The following NDUFA7 variants were observed in gnomAD, a reference collection of about 807,000 sequenced individuals.
NDUFA7 encodes the protein NADH:ubiquinone oxidoreductase subunit A7.
In NDUFA7, 18 loss-of-function variants were observed where a neutral mutation model predicts 14.2. The observed-to-expected ratio is 1.27, with a 90% CI of 0.88 to 1.88. NDUFA7 has a LOEUF of 1.88. Ranked by LOEUF, NDUFA7 falls within the 40% of genes most tolerant of loss-of-function variation. The pLI is 0.00. For synonymous variants in NDUFA7, 75 were observed against 62.1 expected (o/e 1.21, Z -0.98); for missense variants, 172 against 147.3 (o/e 1.17, Z -0.87).
At position 8,321,318 on chromosome 19, in the gene NDUFA7, C is replaced by G. The variant is rs1453608064; in HGVS notation, c.41G>C (p.Trp14Ser). 8 of 1,577,420 alleles carry G rather than the reference C, an allele frequency of 5.1e-6. No individual in the cohort carries two copies. Among genetic ancestry groups the G allele is most frequent in the Non-Finnish European group, 5.2e-6 (6 of 1,164,876 alleles). The change falls in exon 1 of 4, where the codon TGG becomes TCG. Residue 14 changes from tryptophan (W) to serine (S), a missense_variant. Transcript: ENST00000301457. ...GTCCGCCCCGCGCACCCCGGACGCC[C>G]AGTTCCGCAGCCGCTGGATGAGACG... ...ATRLIQRLRNWASGHDLQGKL... is the reference protein window; with the variant it reads ...ATRLIQRLRNSASGHDLQGKL...
At chr19:8,311,152 C>G (rs1382819843), downstream of NDUFA7, 1 of 159,898 alleles carries the variant, frequency 6.3e-6, no homozygotes, top group Non-Finnish European at 1.4e-5. Flanking sequence ...GTCTGCCTTC[C>G]CTGTAAGCAG....
intron 2 of NDUFA7, 111 bp downstream of exon 2, chr19:8,320,746 C>G: frequency 2.3e-6 from 3 of 1,309,144 alleles, no homozygotes; most frequent in Non-Finnish European, 3.3e-6. Flanking sequence ...TGGCAGGGGA[C>G]TGGTGGCAGG....
chr19:8,319,098 C>T (rs968608562), intron 2 of NDUFA7, among the ~76,000 whole-genome samples: 1 of 149,972 alleles, frequency 6.7e-6, no homozygotes. Flanking sequence ...TGATAGAAAG[C>T]CAACTAGGGG....
chr19:8,316,537 CATG>C lies in NDUFA7; in HGVS notation c.207_209del (p.Ile69del). On this transcript the variant is annotated inframe_deletion, in exon 3 of 4. Transcript: ENST00000301457. ...CTGACACCAGCGCCTTCTGCGACGACATGATGATGGAAGGGGGCACAGATTCCC... is the reference window on the plus strand; with the variant it reads ...CTGACACCAGCGCCTTCTGCGACGACATGATGGAAGGGGGCACAGATTCCC... The C allele has an allele frequency of 6.2e-7, 1 of 1,614,090 alleles. No homozygotes were observed. Among genetic ancestry groups the C allele is most frequent in the South Asian group, 1.1e-5 (1 of 91,088 alleles).
chr19:8,316,633 A>T lies in NDUFA7; in HGVS notation c.114T>A (p.Pro38=). The T allele has an allele frequency of 1.9e-6, 3 of 1,614,014 alleles. No individual in the cohort carries two copies. The highest frequency in any genetic ancestry group is 2.5e-6 in the Non-Finnish European group (3 of 1,179,950). Residue 38 remains proline, a synonymous_variant, in exon 3 of 4, where the codon CCT becomes CCA. Coordinates refer to ENST00000301457, the MANE Select transcript of NDUFA7 (RefSeq NM_005001.5). ...YQEISKRTQP[P]PKLPVGPSHK... ...GGCTAGGACCCACAGGGAGCTTGGG[A>T]GGAGGCTGAGTTCTGAGGGGAAAAA...
intron 2 of NDUFA7, chr19:8,319,631 T>C (rs948168537): frequency 2.0e-5 from 3 of 151,864 alleles, no homozygotes; most frequent in Non-Finnish European, 2.9e-5. Context: ...TCACAACATA[T>C]AGGCATTTAC....
intron 3 of NDUFA7, among the ~76,000 whole-genome samples, chr19:8,313,131 G>A (rs1034771967): frequency 6.6e-6 from 1 of 151,400 alleles, no homozygotes; most frequent in African/African-American, 2.4e-5. Context: ...GTCTCGCTGT[G>A]TTACTCAAAC....
At chr19:8,320,927 A>C in intron 1 of NDUFA7, 21 bp from the exon 2 acceptor site, 1 of 1,613,422 alleles carries the variant, frequency 6.2e-7, no homozygotes, top group Non-Finnish European at 8.5e-7. Context: ...AGGAGAGGAG[A>C]GGTCGGCCTG....
chr19:8,311,194 T>C, downstream of NDUFA7: 1 of 189,774 alleles, frequency 5.3e-6, no homozygotes, highest in Non-Finnish European at 1.1e-5. Context: ...CCCGTTGAGC[T>C]ACAGGGTGAC....
intron 3 of NDUFA7, among the ~76,000 whole-genome samples, chr19:8,314,164 A>G (rs1970208320): frequency 6.6e-6 from 1 of 152,142 alleles, no homozygotes; most frequent in Non-Finnish European, 1.5e-5. Flanking sequence ...TCTACTAAAA[A>G]TACAAAATTA....
chr19:8,314,405 TTCA>T (rs1970210673), intron 3 of NDUFA7, among the ~76,000 whole-genome samples: 1 of 151,766 alleles, frequency 6.6e-6, no homozygotes, highest in Non-Finnish European at 1.5e-5. Context: ...GACCCCGGAC[TTCA>T]TCTGTTTTGT....
intron 3 of NDUFA7, among the ~76,000 whole-genome samples, chr19:8,313,385 C>G (rs886671366): frequency 6.6e-6 from 1 of 152,118 alleles, no homozygotes; most frequent in Admixed American, 6.6e-5. Flanking sequence ...CGCCCACCAC[C>G]ACACCTGGCT....
At chr19:8,311,900 G>A (rs1025935306) in intron 3 of NDUFA7, among the ~76,000 whole-genome samples, 15 of 152,220 alleles carry the variant, frequency 9.9e-5, no homozygotes, top group African/African-American at 3.4e-4. Context: ...GGTCTCCAGC[G>A]TACACAAGGC....
chr19:8,312,497 T>C (rs529541301), intron 3 of NDUFA7, among the ~76,000 whole-genome samples: 1 of 152,276 alleles, frequency 6.6e-6, no homozygotes, highest in Non-Finnish European at 1.5e-5. Flanking sequence ...TTCCTTCTTT[T>C]TGAGACAGAC....
intron 2 of NDUFA7, among the ~76,000 whole-genome samples, chr19:8,318,782 C>A (rs1409975027): frequency 6.7e-6 from 1 of 149,758 alleles, no homozygotes; most frequent in East Asian, 2.0e-4. Flanking sequence ...ACCATCCTGG[C>A]AAACATGGTG....
intron 2 of NDUFA7, among the ~76,000 whole-genome samples, chr19:8,317,522 A>T (rs1011177551): frequency 6.6e-6 from 1 of 152,198 alleles, no homozygotes; most frequent in African/African-American, 2.4e-5. Context: ...AAACAAAAAA[A>T]GCTCAAAACA....
chr19:8,317,466 G>A (rs948123927), intron 2 of NDUFA7, among the ~76,000 whole-genome samples: 1 of 152,030 alleles, frequency 6.6e-6, no homozygotes. Flanking sequence ...CTGAGATCAC[G>A]CCACTACACT....
chr19:8,321,275 C>T, intron 1 of NDUFA7, 33 bp downstream of exon 1: 4 of 1,528,204 alleles, frequency 2.6e-6, no homozygotes, highest in Non-Finnish European at 3.5e-6. Context: ...AGCCCGAAGC[C>T]CCCCATGGTG....
At chr19:8,320,034 G>T (rs1970283207) in intron 2 of NDUFA7, among the ~76,000 whole-genome samples, 1 of 152,062 alleles carries the variant, frequency 6.6e-6, no homozygotes, top group Non-Finnish European at 1.5e-5. Flanking sequence ...CTAGTAGAGA[G>T]GGGGTTTTAC....
Sources: allele counts gnomAD v4.1 joint callset (sites outside exome capture counted in the v4.1 genomes callset), GRCh38; gene constraint gnomAD v4.1.1; transcripts MANE v1.5; gene names NCBI Gene and HGNC (gene_info 2026-07-23, HGNC 2026-07-21).